The following IKBKE variants were observed in gnomAD, a reference collection of about 807,000 sequenced individuals.
IKBKE encodes inhibitor of nuclear factor kappa-B kinase subunit epsilon.
IKBKE carries 45 observed loss-of-function variants against 92.1 expected under a neutral mutation model. That is an observed-to-expected ratio of 0.49 (90% CI 0.38 to 0.63). IKBKE has a LOEUF of 0.63. IKBKE is among the 20% of genes least tolerant of loss of function. The pLI is 0.00. For missense variants in IKBKE, 700 were observed against 932.8 expected (o/e 0.75, Z 3.25); for synonymous variants, 374 against 380.3 (o/e 0.98, Z 0.19).
chr1:206,491,095 CTGTT>C, intron 17 of IKBKE: 1 of 586,176 alleles, frequency 1.7e-6, no homozygotes, highest in Non-Finnish European at 3.0e-6. Context: ...ATGGACAAGA[CTGTT>C]TGCAGGCTTT....
At chr1:206,492,070 T>A (rs547788820) in intron 18 of IKBKE, 72 of 328,140 alleles carry the variant, frequency 2.2e-4, no homozygotes, top group African/African-American at 1.4e-3. Context: ...GACTCGTATG[T>A]GGCTCTGCCT....
chr1:206,477,665 G>C, intron 7 of IKBKE, 84 bp from the exon 8 acceptor site: 1 of 783,402 alleles, frequency 1.3e-6, no homozygotes, highest in Non-Finnish European at 2.1e-6. Flanking sequence ...TTGAACCTGT[G>C]CTCCGAGCCC....
rs1558473351 is a variant in IKBKE, at chr1:206,475,278, A to G, written c.358+284A>G. 7 of 476,490 alleles carry G rather than the reference A, an allele frequency of 1.5e-5. No homozygotes were observed. The East Asian group carries it at 2.3e-4, about 15-fold the overall frequency. 29.5% of individuals were successfully genotyped at this position (476,490 alleles called of 1,614,324 possible). A position where few individuals can be genotyped will look rare whatever the true frequency, so the allele number is the denominator to read the frequency against. Reference sequence around the variant, plus strand: ...AATTCTGACACCTGCTACAACATGGATGGACCTTGATGACATTATGTTAAG... The same window carrying G: ...AATTCTGACACCTGCTACAACATGGGTGGACCTTGATGACATTATGTTAAG... On this transcript the variant is annotated intron_variant, in intron 5 of 21. Transcript: ENST00000581977.
At chr1:206,479,244 C>T (rs1553386365) in intron 10 of IKBKE, 111 bp downstream of exon 10, 2 of 884,852 alleles carry the variant, frequency 2.3e-6, no homozygotes, top group East Asian at 5.3e-5. Flanking sequence ...TTCTTTGGGG[C>T]CACAGGGAGC....
intron 13 of IKBKE, 52 bp from the exon 14 acceptor site, chr1:206,484,945 C>A: frequency 1.4e-6 from 2 of 1,455,328 alleles, no homozygotes; most frequent in South Asian, 1.1e-5. Flanking sequence ...TGCCTCCCAC[C>A]TTGGCTGCTC....
intron 13 of IKBKE, among the ~76,000 whole-genome samples, chr1:206,482,966 G>A (rs1326664714): frequency 6.6e-6 from 1 of 152,246 alleles, no homozygotes; most frequent in Non-Finnish European, 1.5e-5. Flanking sequence ...CTCCCCCAGT[G>A]TGCATATCCT....
Position 206,490,675 on chromosome 1 carries a change from C to T in IKBKE, c.1694-144C>T, listed in dbSNP as rs896745114. ...TCCGGTGCTAGCTTCACTCCTCTGC[C>T]CCTCCTGCTCCGCTGGGCGGTGAGT... On this transcript the variant is annotated intron_variant, in intron 16 of 21. Transcript: ENST00000581977. The surrounding 1 kb of genome is among the most constrained non-coding windows in gnomAD (Gnocchi z 5.2). The T allele has an allele frequency of 9.0e-6, 7 of 779,962 alleles. No individual in the cohort carries two copies. Among genetic ancestry groups the T allele is most frequent in the African/African-American group, 1.7e-5 (1 of 59,430 alleles). 48.3% of individuals were successfully genotyped at this position (779,962 alleles called of 1,614,324 possible). A position where few individuals can be genotyped will look rare whatever the true frequency, so the allele number is the denominator to read the frequency against.
Position 206,490,342 on chromosome 1 carries a change from A to T in IKBKE, c.1694-477A>T, listed in dbSNP as rs1285903957. 6.6e-6 allele frequency among the ~76,000 whole-genome samples: 1 copy of T among 152,248 alleles called. No homozygotes were observed. Among genetic ancestry groups the T allele is most frequent in the Non-Finnish European group, 1.5e-5 (1 of 68,040 alleles). ...CCATGAAAGCTTCAGCCTTTCTGGC[A>T]AAAGTGGCTGGGCAGAGCGGGGAGG... On this transcript the variant is annotated intron_variant, in intron 16 of 21. Coordinates refer to ENST00000581977, the MANE Select transcript of IKBKE (RefSeq NM_014002.4). This position sits in a 1 kb window ranked among gnomAD's most constrained non-coding sequence, Gnocchi z 5.2.
chr1:206,474,343 C>T lies in IKBKE; in HGVS notation c.100C>T (p.Leu34=), dbSNP rs139083235. 4 of 1,613,258 alleles carry T rather than the reference C, an allele frequency of 2.5e-6. No individual in the cohort carries two copies. Among genetic ancestry groups the T allele is most frequent in the Non-Finnish European group, 2.5e-6 (3 of 1,179,444 alleles). The stretch of plus-strand genomic sequence containing the variant: ...TCCCCAATGGCAGAAATCCGGAGAG[C>T]TGGTTGCTGTGAAGGTCTTCAACAC... The part of the protein sequence containing the change: ...YKARNKKSGE[L]VAVKVFNTTS... Residue 34 remains leucine, a synonymous_variant, in exon 4 of 22, where the codon CTG becomes TTG. Coordinates refer to ENST00000581977, the MANE Select transcript of IKBKE (RefSeq NM_014002.4).
At chr1:206,482,095 A>G (rs1665431435) in intron 13 of IKBKE, among the ~76,000 whole-genome samples, 1 of 152,110 alleles carries the variant, frequency 6.6e-6, no homozygotes, top group African/African-American at 2.4e-5. Flanking sequence ...GAGGCTTTTA[A>G]GGCCAGAAAG....
rs1665871937 is a variant in IKBKE, at chr1:206,490,143, A to T, written c.1694-676A>T. 2.6e-5 allele frequency among the ~76,000 whole-genome samples: 4 copies of T among 152,180 alleles called. No homozygotes were observed. The highest frequency in any genetic ancestry group is 9.7e-5 in the African/African-American group (4 of 41,442). On this transcript the variant is annotated intron_variant, in intron 16 of 21. Coordinates refer to ENST00000581977, the MANE Select transcript of IKBKE (RefSeq NM_014002.4). The surrounding 1 kb of genome is among the most constrained non-coding windows in gnomAD (Gnocchi z 5.2). The stretch of plus-strand genomic sequence containing the variant: ...TCTTAGCTGGCCGAGTGCAGGGCCC[A>T]GGAGGGGGACTCTGCTATGAGAGGA...
At chr1:206,481,426 G>A (rs1447844922) in intron 13 of IKBKE, among the ~76,000 whole-genome samples, 2 of 152,240 alleles carry the variant, frequency 1.3e-5, no homozygotes, top group African/African-American at 2.4e-5. Flanking sequence ...CAGCAACTCA[G>A]TTGATGGGGC....
chr1:206,480,672 C>T, intron 13 of IKBKE, 139 bp downstream of exon 13: 1 of 681,190 alleles, frequency 1.5e-6, no homozygotes, highest in Non-Finnish European at 2.6e-6. Context: ...TAGAGGGCAC[C>T]CGCACCCTAT....
intron 16 of IKBKE, among the ~76,000 whole-genome samples, chr1:206,488,759 G>T (rs1443033193): frequency 1.1e-4 from 16 of 152,132 alleles, no homozygotes; most frequent in African/African-American, 3.9e-4. Flanking sequence ...CTCTCCTTGG[G>T]ATTATCTAAA....
intron 17 of IKBKE, chr1:206,491,217 G>A (rs1253908536): frequency 7.0e-5 from 28 of 399,050 alleles, no homozygotes; most frequent in South Asian, 6.7e-4. Flanking sequence ...CATGTTTCCC[G>A]GACACACTCA....
intron 20 of IKBKE, 57 bp from the exon 21 acceptor site, chr1:206,493,863 G>A (rs1443999012): frequency 6.9e-7 from 1 of 1,447,088 alleles, no homozygotes; most frequent in Non-Finnish European, 9.7e-7. Context: ...CCAGGAAAAG[G>A]GTCTGGGCAG....
rs1036489712 is a variant in IKBKE at position 206,489,574 on chromosome 1, C to T, written c.1694-1245C>T. Reference sequence around the variant, plus strand: ...ACAAAACTAGCTGGACGTGGGCATGCGCCTGTAGTCCTAACTACTTGGGAG... The same window carrying T: ...ACAAAACTAGCTGGACGTGGGCATGTGCCTGTAGTCCTAACTACTTGGGAG... On this transcript the variant is annotated intron_variant, in intron 16 of 21. Coordinates refer to ENST00000581977, the MANE Select transcript of IKBKE (RefSeq NM_014002.4). Among the ~76,000 whole-genome samples, 6 of 151,904 alleles carry T rather than the reference C, an allele frequency of 3.9e-5. No homozygotes were observed. The East Asian group carries it at 1.2e-3, about 29-fold the overall frequency.
rs1553383605 is a variant in IKBKE, at chr1:206,470,524, C to G, written c.-297C>G. 3 of 152,362 alleles carry G rather than the reference C, an allele frequency of 2.0e-5. No individual in the cohort carries two copies. Among genetic ancestry groups the G allele is most frequent in the Non-Finnish European group, 4.4e-5 (3 of 68,144 alleles). 9.4% of individuals were successfully genotyped at this position (152,362 alleles called of 1,614,324 possible). On this transcript the variant is annotated 5_prime_UTR_variant, in exon 1 of 22. Transcript: ENST00000581977. ...GCCACAAGGAGGCAGGGAAGAAACC[C>G]ACTAGTCCCAGCTCCTGGGGTGGCA... is the stretch of plus-strand genomic sequence containing the variant.
rs369392001 is a variant in IKBKE at position 206,487,864 on chromosome 1, T to G, written c.1617-50T>G. ...ACCCTTCCCCTCCCTCCCTCTTTCC[T>G]CTGTGCTATTAGATTCTTCCAACAC... is the stretch of plus-strand genomic sequence containing the variant. On this transcript the variant is annotated intron_variant, in intron 15 of 21. Transcript: ENST00000581977. The surrounding 1 kb of genome is among the most constrained non-coding windows in gnomAD (Gnocchi z 5.3). 376 of 1,465,096 alleles carry G rather than the reference T, an allele frequency of 2.6e-4. No homozygotes were observed. Among genetic ancestry groups the G allele is most frequent in the Non-Finnish European group, 3.3e-4 (350 of 1,050,974 alleles). The allele number at this position is 1,465,096 out of a possible 1,614,324, so 90.8% of individuals were successfully genotyped here. A position where few individuals can be genotyped will look rare whatever the true frequency, so the allele number is the denominator to read the frequency against.
Sources: gnomAD v4.1 joint callset for allele counts (sites outside exome capture counted in the v4.1 genomes callset) on GRCh38, gnomAD v4.1.1 for gene constraint, Gnocchi (gnomAD v3.1) non-coding constraint, MANE v1.5 for transcripts, NCBI Gene and HGNC (gene_info 2026-07-23, HGNC 2026-07-21) for gene names.